HTR1E: variants seen among roughly 807,000 people sequenced by gnomAD.
HTR1E encodes the protein 5-hydroxytryptamine receptor 1E, also known as 5-HT-1E.
In HTR1E, 3 loss-of-function variants were observed where a neutral mutation model predicts 3.4. The observed-to-expected ratio is 0.89, with a 90% CI of 0.41 to 2.31. HTR1E has a LOEUF of 2.31. Ranked by LOEUF, HTR1E falls within the 30% of genes most tolerant of loss-of-function variation. HTR1E has a pLI of 0.05. For synonymous variants in HTR1E, 170 were observed against 182.8 expected (o/e 0.93, Z 0.56); for missense variants, 392 against 467.0 (o/e 0.84, Z 1.48).
intron 1 of HTR1E, among the ~76,000 whole-genome samples, chr6:87,011,810 T>A (rs540741239): frequency 2.0e-4 from 30 of 152,116 alleles, no homozygotes; most frequent in African/African-American, 6.0e-4. Context: ...AATAAAAGAT[T>A]TGTAAATAAG....
chr6:86,985,035 GTAA>G lies in HTR1E; in HGVS notation c.-185-30110_-185-30108del, dbSNP rs1767765172. Among the ~76,000 whole-genome samples the G allele has an allele frequency of 2.6e-5, 4 of 152,110 alleles. No homozygotes were observed. In the South Asian group the frequency reaches 8.3e-4, roughly 31 times the overall value. On this transcript the variant is annotated intron_variant, in intron 1 of 1. Transcript: ENST00000305344. Reference sequence around the variant, plus strand: ...CACCTATTTTATTCTGGATGCTGTGGTAATAATCAAAGACAGCATAGGCCAAGT... The same window carrying G: ...CACCTATTTTATTCTGGATGCTGTGGTAATCAAAGACAGCATAGGCCAAGT...
intron 1 of HTR1E, among the ~76,000 whole-genome samples, chr6:86,991,849 T>G (rs1767873179): frequency 6.6e-6 from 1 of 152,154 alleles, no homozygotes; most frequent in African/African-American, 2.4e-5. Context: ...GTTGCAAACA[T>G]ATGTTTTATA....
chr6:86,956,923 C>G (rs1277234462), intron 1 of HTR1E, among the ~76,000 whole-genome samples: 1 of 152,100 alleles, frequency 6.6e-6, no homozygotes, highest in Non-Finnish European at 1.5e-5. Flanking sequence ...GCTTAGCATA[C>G]TATTTGGCCA....
chr6:86,940,109 G>A (rs1195525114), intron 1 of HTR1E, among the ~76,000 whole-genome samples: 2 of 152,096 alleles, frequency 1.3e-5, no homozygotes, highest in Non-Finnish European at 2.9e-5. Flanking sequence ...GCGTGATGGG[G>A]TTATTATTGA....
At chr6:86,942,485 T>A (rs1490611145) in intron 1 of HTR1E, among the ~76,000 whole-genome samples, 1 of 152,216 alleles carries the variant, frequency 6.6e-6, no homozygotes, top group Non-Finnish European at 1.5e-5. Flanking sequence ...TAGTTCATCA[T>A]AATTTAACAT....
intron 1 of HTR1E, among the ~76,000 whole-genome samples, chr6:86,995,456 A>G (rs1767924178): frequency 6.6e-6 from 1 of 151,720 alleles, no homozygotes; most frequent in Non-Finnish European, 1.5e-5. Flanking sequence ...ACCTGAGGTC[A>G]GGAGTTCAAG....
At chr6:87,009,517 G>A (rs1044270802) in intron 1 of HTR1E, among the ~76,000 whole-genome samples, 6 of 149,078 alleles carry the variant, frequency 4.0e-5, no homozygotes, top group African/African-American at 1.5e-4. Context: ...CACCTTTCCC[G>A]CCTTTCTATT....
At chr6:86,996,809 A>G (rs1323397839) in intron 1 of HTR1E, among the ~76,000 whole-genome samples, 1 of 152,064 alleles carries the variant, frequency 6.6e-6, no homozygotes, top group Non-Finnish European at 1.5e-5. Flanking sequence ...GAATTCTATC[A>G]AAAGATTAAA....
At chr6:86,977,927 A>G (rs1479264651) in intron 1 of HTR1E, among the ~76,000 whole-genome samples, 1 of 151,818 alleles carries the variant, frequency 6.6e-6, no homozygotes, top group Non-Finnish European at 1.5e-5. Flanking sequence ...TTGCTTCTTG[A>G]TTTGCTTAAA....
intron 1 of HTR1E, among the ~76,000 whole-genome samples, chr6:86,942,661 A>G (rs1768562088): frequency 6.6e-6 from 1 of 152,274 alleles, no homozygotes. Flanking sequence ...TACATCATTT[A>G]CAAGATGCAT....
At chr6:86,998,449 T>G (rs912373016) in intron 1 of HTR1E, among the ~76,000 whole-genome samples, 3 of 152,092 alleles carry the variant, frequency 2.0e-5, no homozygotes, top group African/African-American at 4.8e-5. Context: ...CTCTAAAAAT[T>G]TTAAGTTAAT....
At chr6:86,938,972 C>A (rs908199848) in intron 1 of HTR1E, among the ~76,000 whole-genome samples, 1 of 152,158 alleles carries the variant, frequency 6.6e-6, no homozygotes, top group East Asian at 1.9e-4. Context: ...CTTACTTAAT[C>A]CTGCGCAAGA....
intron 1 of HTR1E, among the ~76,000 whole-genome samples, chr6:87,013,537 C>T (rs1768269948): frequency 6.6e-6 from 1 of 152,064 alleles, no homozygotes. Flanking sequence ...GTGTGAGCCA[C>T]CACGCCAGCA....
chr6:86,978,397 T>C (rs1490444312), intron 1 of HTR1E, among the ~76,000 whole-genome samples: 1 of 152,164 alleles, frequency 6.6e-6, no homozygotes. Context: ...TCTTTTACAA[T>C]GTTAAGAACA....
chr6:86,998,101 T>G (rs1455599567), intron 1 of HTR1E, among the ~76,000 whole-genome samples: 1 of 151,942 alleles, frequency 6.6e-6, no homozygotes, highest in Non-Finnish European at 1.5e-5. Context: ...ACTCAAAAAT[T>G]GACAGAACTA....
At position 86,969,345 on chromosome 6, in the gene HTR1E, T is replaced by C. The variant is rs578190871; in HGVS notation, c.-186+31522T>C. 9.3e-4 allele frequency among the ~76,000 whole-genome samples: 141 copies of C among 152,054 alleles called. 2 individuals are homozygous for C. Among genetic ancestry groups the C allele is most frequent in the African/African-American group, 3.3e-3 (136 of 41,450 alleles). Reference sequence around the variant, plus strand: ...GACAACTCCAAAACAAATACTTTCATGATATAAAAGGTAATGAGAGGACAC... The same window carrying C: ...GACAACTCCAAAACAAATACTTTCACGATATAAAAGGTAATGAGAGGACAC... On this transcript the variant is annotated intron_variant, in intron 1 of 1. Coordinates refer to ENST00000305344, the MANE Select transcript of HTR1E (RefSeq NM_000865.3).
chr6:87,013,645 T>C (rs1361696437), intron 1 of HTR1E, among the ~76,000 whole-genome samples: 1 of 150,910 alleles, frequency 6.6e-6, no homozygotes, highest in Admixed American at 6.6e-5. Context: ...TGTTACATAA[T>C]ATGAATATAT....
At chr6:86,952,418 GA>G (rs1193543557) in intron 1 of HTR1E, among the ~76,000 whole-genome samples, 1 of 151,994 alleles carries the variant, frequency 6.6e-6, no homozygotes, top group Non-Finnish European at 1.5e-5. Flanking sequence ...ACAGTATGCA[GA>G]AAAAGGGGGA....
chr6:86,987,110 C>G (rs1767799874), intron 1 of HTR1E, among the ~76,000 whole-genome samples: 1 of 152,042 alleles, frequency 6.6e-6, no homozygotes, highest in African/African-American at 2.4e-5. Flanking sequence ...ATGCATGCTC[C>G]CCAACCCCTT....
Sources: allele counts gnomAD v4.1 joint callset (sites outside exome capture counted in the v4.1 genomes callset), GRCh38; gene constraint gnomAD v4.1.1; transcripts MANE v1.5; gene names NCBI Gene and HGNC (gene_info 2026-07-23, HGNC 2026-07-21).